CMSS1: variants seen among roughly 807,000 people sequenced by gnomAD.
The protein encoded by CMSS1 is protein CMSS1.
A neutral mutation model predicts 43.5 loss-of-function variants in CMSS1; 33 were observed. That is an observed-to-expected ratio of 0.76 (90% CI 0.57 to 1.01). The LOEUF is 1.01. Ranked by LOEUF, CMSS1 falls within the 50% of genes least tolerant of loss-of-function variation. The pLI, the probability that CMSS1 is intolerant of heterozygous loss-of-function variation, is 0.00. For missense variants in CMSS1, 313 were observed against 326.4 expected, an observed-to-expected ratio of 0.96 and a Z score of 0.32; for synonymous variants, 115 against 117.2, an observed-to-expected ratio of 0.98 and a Z score of 0.12.
chr3:99,849,316 C>T, intron 1 of CMSS1: 1 of 1,614,142 alleles, frequency 6.2e-7, no homozygotes, highest in Admixed American at 1.7e-5. Context: ...AATTCTTCTT[C>T]CATTGAGACT....
intron 1 of CMSS1, among the ~76,000 whole-genome samples, chr3:99,856,334 C>T (rs572583960): frequency 6.6e-6 from 1 of 152,288 alleles, no homozygotes; most frequent in South Asian, 2.1e-4. Context: ...GACGTTGATC[C>T]CTTAAATCTC....
At position 100,004,178 on chromosome 3, in the gene CMSS1, T is replaced by C. The variant is rs969076130; in HGVS notation, c.65-142795T>C. The stretch of plus-strand genomic sequence containing the variant: ...ATTTTGACATAAATTGAGGGTTTTT[T>C]CCCCCTTACATATTCTCCAAGAAAC... On this transcript the variant is annotated intron_variant, in intron 1 of 9. Coordinates refer to ENST00000421999, the MANE Select transcript of CMSS1 (RefSeq NM_032359.4). Among the ~76,000 whole-genome samples, 5 of 152,090 alleles carry C rather than the reference T, an allele frequency of 3.3e-5. No homozygotes were observed. The South Asian group carries it at 6.2e-4, about 19-fold the overall frequency.
chr3:100,115,575 G>GTCTCTCTCTCTCTCTCTCTC (rs66793218), intron 1 of CMSS1, among the ~76,000 whole-genome samples: 4 of 98,026 alleles, frequency 4.1e-5, no homozygotes, highest in Admixed American at 1.1e-4. Context: ...CTCTCTCTCT[G>GTCTCTCTCTCTCTCTCTCTC]TCTCTCTCTC....
chr3:99,970,681 A>G (rs1055297817), intron 1 of CMSS1, among the ~76,000 whole-genome samples: 4 of 152,240 alleles, frequency 2.6e-5, no homozygotes, highest in Non-Finnish European at 5.9e-5. Context: ...AAATGACAAG[A>G]CATTCTGTAT....
chr3:100,111,561 T>C (rs1334454832), intron 1 of CMSS1, among the ~76,000 whole-genome samples: 1 of 152,190 alleles, frequency 6.6e-6, no homozygotes, highest in East Asian at 1.9e-4. Context: ...ATGAAAAGTC[T>C]CCTCAACCAA....
intron 1 of CMSS1, among the ~76,000 whole-genome samples, chr3:100,051,919 A>T (rs1276021023): frequency 6.7e-6 from 1 of 148,666 alleles, no homozygotes; most frequent in Non-Finnish European, 1.5e-5. Context: ...TGTGTTATTA[A>T]AATATATGTT....
intron 1 of CMSS1, among the ~76,000 whole-genome samples, chr3:100,059,464 C>A (rs2065522370): frequency 6.6e-6 from 1 of 152,130 alleles, no homozygotes; most frequent in Admixed American, 6.5e-5. Flanking sequence ...ATTCAGGAAG[C>A]ATTTTTTTTT....
chr3:99,940,621 C>T (rs1047239678), intron 1 of CMSS1, among the ~76,000 whole-genome samples: 4 of 152,202 alleles, frequency 2.6e-5, no homozygotes, highest in Non-Finnish European at 5.9e-5. Flanking sequence ...GTTCATAGGC[C>T]AACCCCTGTT....
At chr3:99,941,843 A>G (rs1183145905) in intron 1 of CMSS1, among the ~76,000 whole-genome samples, 2 of 152,202 alleles carry the variant, frequency 1.3e-5, no homozygotes, top group African/African-American at 4.8e-5. Context: ...TTTTCAGAAG[A>G]GAAAAGGGGA....
At chr3:100,006,934 A>C (rs1004374350) in intron 1 of CMSS1, among the ~76,000 whole-genome samples, 2 of 152,216 alleles carry the variant, frequency 1.3e-5, no homozygotes, top group African/African-American at 2.4e-5. Flanking sequence ...AACTTGTTTT[A>C]AAAAGTGTTT....
intron 1 of CMSS1, chr3:99,924,270 T>A (rs752446315): frequency 3.7e-6 from 6 of 1,613,898 alleles, no homozygotes; most frequent in Non-Finnish European, 5.1e-6. Flanking sequence ...AATTCATCAC[T>A]CTTCTCCATG....
At position 99,968,581 on chromosome 3, in the gene CMSS1, G is replaced by A. The variant is rs534581027; in HGVS notation, c.64+150538G>A. Among the ~76,000 whole-genome samples, 12 of 152,188 alleles carry A rather than the reference G, an allele frequency of 7.9e-5. No individual in the cohort carries two copies. In the East Asian group the frequency reaches 1.4e-3, roughly 17 times the overall value. ...ATATCAGTGGTGTTTAAAATCAAGAGCAAATGAAATTGCACAAGGAGAATA... is the reference window on the plus strand; with the variant it reads ...ATATCAGTGGTGTTTAAAATCAAGAACAAATGAAATTGCACAAGGAGAATA... On this transcript the variant is annotated intron_variant, in intron 1 of 9. Coordinates refer to ENST00000421999, the MANE Select transcript of CMSS1 (RefSeq NM_032359.4).
At position 99,960,506 on chromosome 3, in the gene CMSS1, A is replaced by G. The variant is rs1708459086; in HGVS notation, c.64+142463A>G. Reference sequence around the variant, plus strand: ...GAAGCAACATTCTGATTAGGAATATAAAAGATTACAGCGTGAAGTGAAATA... The same window carrying G: ...GAAGCAACATTCTGATTAGGAATATGAAAGATTACAGCGTGAAGTGAAATA... On this transcript the variant is annotated intron_variant, in intron 1 of 9. Transcript: ENST00000421999. 2.0e-5 allele frequency among the ~76,000 whole-genome samples: 3 copies of G among 152,354 alleles called. No individual in the cohort carries two copies. In the South Asian group the frequency reaches 6.2e-4, roughly 32 times the overall value.
intron 2 of CMSS1, among the ~76,000 whole-genome samples, chr3:100,152,255 A>G (rs1414471380): frequency 1.3e-5 from 2 of 151,502 alleles, no homozygotes; most frequent in Non-Finnish European, 2.9e-5. Flanking sequence ...TGAACAGCTA[A>G]TGCAGCCTGC....
chr3:100,141,020 G>A (rs1036473335), intron 1 of CMSS1, among the ~76,000 whole-genome samples: 4 of 152,124 alleles, frequency 2.6e-5, no homozygotes, highest in Admixed American at 2.6e-4. Flanking sequence ...GCAAAAATGA[G>A]AACCTAATTC....
chr3:100,158,606 C>T (rs1431627649), intron 2 of CMSS1, among the ~76,000 whole-genome samples: 2 of 152,218 alleles, frequency 1.3e-5, no homozygotes, highest in African/African-American at 2.4e-5. Flanking sequence ...AGTAACTAGT[C>T]TCCAAAACCA....
intron 1 of CMSS1, among the ~76,000 whole-genome samples, chr3:100,092,430 T>C (rs1321779291): frequency 6.6e-6 from 1 of 152,070 alleles, no homozygotes. Flanking sequence ...TTTGGCTTTT[T>C]TTTAACATGG....
chr3:99,941,152 T>A (rs984735648), intron 1 of CMSS1, among the ~76,000 whole-genome samples: 1 of 152,228 alleles, frequency 6.6e-6, no homozygotes, highest in African/African-American at 2.4e-5. Flanking sequence ...CTTCTGTTTT[T>A]GCCAAATAAT....
At chr3:99,832,331 C>T (rs533001511) in intron 1 of CMSS1, among the ~76,000 whole-genome samples, 2 of 150,906 alleles carry the variant, frequency 1.3e-5, no homozygotes, top group African/African-American at 4.8e-5. Flanking sequence ...CCCGGGCTCC[C>T]GCCATTCTCC....
Sources: gnomAD v4.1 joint callset for allele counts (sites outside exome capture counted in the v4.1 genomes callset) on GRCh38, gnomAD v4.1.1 for gene constraint, MANE v1.5 for transcripts, NCBI Gene and HGNC (gene_info 2026-07-23, HGNC 2026-07-21) for gene names.